Variants in EP300 observed in about 807,000 individuals in gnomAD.
EP300 encodes EP300 lysine acetyltransferase.
Under a neutral mutation model 264.0 loss-of-function variants are expected in EP300, and 31 were observed. That is an observed-to-expected ratio of 0.12 (90% CI 0.09 to 0.16). The LOEUF is 0.16. EP300 is among the 10% of genes least tolerant of loss of function. EP300 has a pLI of 1.00. For missense variants in EP300, 2,766 were observed against 3,052.9 expected (o/e 0.91, Z 2.21); for synonymous variants, 1,340 against 1,045.4 (o/e 1.28, Z -5.44).
intron 1 of EP300, among the ~76,000 whole-genome samples, chr22:41,114,659 A>C (rs1288507510): frequency 6.6e-6 from 1 of 152,202 alleles, no homozygotes; most frequent in Admixed American, 6.6e-5. Context: ...GCCAGTAGGC[A>C]AGGAGCTGGT....
rs1569091287 is a variant in EP300 at position 41,119,169 on chromosome 22, A to AT, written c.729+1350dup. On this transcript the variant is annotated intron_variant, in intron 2 of 30. Coordinates refer to ENST00000263253, the MANE Select transcript of EP300 (RefSeq NM_001429.4). ...AGGCACATACCACCATGCCTGGCTT[A>AT]TTATTATTTTTTTTTTTTTTTTTTT... Among the ~76,000 whole-genome samples, 71 of 73,102 alleles carry AT rather than the reference A, an allele frequency of 9.7e-4. 2 individuals are homozygous for AT. Among genetic ancestry groups the AT allele is most frequent in the Non-Finnish European group, 1.3e-3 (49 of 38,296 alleles). 48.0% of individuals were successfully genotyped at this position (73,102 alleles called of 152,430 possible).
In EP300 at chr22:41,160,449, C is replaced by A. The variant is rs376131454; in HGVS notation, c.3591-193C>A. The A allele has an allele frequency of 2.2e-3, 868 of 396,056 alleles. 2 individuals are homozygous for A. The highest frequency in any genetic ancestry group is 4.6e-3 in the African/African-American group (201 of 43,802). The allele number at this position is 396,056 out of a possible 1,614,324, so 24.5% of individuals were successfully genotyped here. A position where few individuals can be genotyped will look rare whatever the true frequency, so the allele number is the denominator to read the frequency against. Reference sequence around the variant, plus strand: ...AAAAAAACAAAAAAAAACAAAAAAACAAACAAAAAAACCAAAACCCAAACT... The same window carrying A: ...AAAAAAACAAAAAAAAACAAAAAAAAAAACAAAAAAACCAAAACCCAAACT... On this transcript the variant is annotated intron_variant, in intron 19 of 30. Coordinates refer to ENST00000263253, the MANE Select transcript of EP300 (RefSeq NM_001429.4).
At chr22:41,176,686 G>A in intron 30 of EP300, 87 bp from the exon 31 acceptor site, 13 of 1,612,700 alleles carry the variant, frequency 8.1e-6, no homozygotes. Flanking sequence ...CTACGAAAGG[G>A]GCTTTTCTAG....
chr22:41,139,982 TTTTGTTTA>T (rs2058972466), intron 8 of EP300, among the ~76,000 whole-genome samples, 150 bp from the exon 9 acceptor site: 1 of 152,238 alleles, frequency 6.6e-6, no homozygotes, highest in African/African-American at 2.4e-5. Flanking sequence ...ACAAAAATTC[TTTTGTTTA>T]TCACAAAAAG....
chr22:41,170,839 A>AT (rs1426274838), intron 27 of EP300, among the ~76,000 whole-genome samples: 1 of 150,264 alleles, frequency 6.7e-6, no homozygotes, highest in African/African-American at 2.4e-5. Flanking sequence ...ATTTTTTTGT[A>AT]TTTTTAGTAG....
intron 1 of EP300, among the ~76,000 whole-genome samples, chr22:41,096,517 CAG>C (rs777459831): frequency 2.0e-5 from 3 of 151,114 alleles, no homozygotes; most frequent in African/African-American, 4.9e-5. Context: ...TTCAAAGACA[CAG>C]GGCAGATAGT....
intron 1 of EP300, among the ~76,000 whole-genome samples, chr22:41,111,821 G>A (rs1034214855): frequency 2.0e-5 from 3 of 149,078 alleles, no homozygotes; most frequent in Non-Finnish European, 4.5e-5. Context: ...TTACAGGTGA[G>A]AACCACCATG....
intron 1 of EP300, among the ~76,000 whole-genome samples, chr22:41,096,895 A>C (rs1306711231): frequency 1.3e-5 from 2 of 152,206 alleles, no homozygotes; most frequent in Non-Finnish European, 2.9e-5. Flanking sequence ...CTGGGAATAC[A>C]GGCGTGAGCC....
intron 10 of EP300, among the ~76,000 whole-genome samples, chr22:41,142,360 T>C (rs1275929530): frequency 6.6e-6 from 1 of 152,166 alleles, no homozygotes; most frequent in African/African-American, 2.4e-5. Context: ...ACCACTGGCC[T>C]TTAGCAGCCT....
In EP300 at chr22:41,129,879, C is replaced by G. The variant is rs1288243601; in HGVS notation, c.1169-11C>G. 3.1e-6 allele frequency: 5 copies of G among 1,607,012 alleles called. No individual in the cohort carries two copies. Among genetic ancestry groups the G allele is most frequent in the Non-Finnish European group, 4.3e-6 (5 of 1,173,870 alleles). On this transcript the variant is annotated splice_polypyrimidine_tract_variant and intron_variant, in intron 4 of 30. Coordinates refer to ENST00000263253, the MANE Select transcript of EP300 (RefSeq NM_001429.4). ...ACCTGCTCTTGAAAAAATATGTTTT[C>G]TTCTCTTTAGTGGCACACTGTGCAT...
rs767438649 is a variant in EP300 at position 41,092,612 on chromosome 22, C to T, written c.-393C>T. The T allele has an allele frequency of 8.0e-6, 5 of 625,842 alleles. No homozygotes were observed. The Admixed American group carries it at 1.3e-4, about 17-fold the overall frequency. 38.8% of individuals were successfully genotyped at this position (625,842 alleles called of 1,614,324 possible). A position where few individuals can be genotyped will look rare whatever the true frequency, so the allele number is the denominator to read the frequency against. On this transcript the variant is annotated 5_prime_UTR_variant, in exon 1 of 31. Transcript: ENST00000263253. ...GCGATGAGAAGGAGGAGGACAGCGC[C>T]GAGGAGGAAGAGGTTGATGGCGGCG... is the stretch of plus-strand genomic sequence containing the variant.
At chr22:41,159,255 ATTTG>A (rs763820454) in intron 19 of EP300, 5 of 152,154 alleles carry the variant, frequency 3.3e-5, no homozygotes, top group Non-Finnish European at 5.9e-5. Flanking sequence ...AATACCCTTT[ATTTG>A]TTTGTTAATA....
intron 18 of EP300, 100 bp downstream of exon 18, chr22:41,157,508 A>C: frequency 3.5e-5 from 29 of 831,118 alleles, no homozygotes; most frequent in Non-Finnish European, 4.5e-5. Context: ...TGGCTTTGAC[A>C]TGGCTTTTTT....
chr22:41,152,083 T>C lies in EP300; in HGVS notation c.2997+71T>C, dbSNP rs1168184212. ...TAGGAACCCAAGTTTTAAAAAATAT[T>C]GCAGAAAAATATTTTGATAATTAGA... On this transcript the variant is annotated intron_variant, in intron 15 of 30. Coordinates refer to ENST00000263253, the MANE Select transcript of EP300 (RefSeq NM_001429.4). 13 of 1,599,688 alleles carry C rather than the reference T, an allele frequency of 8.1e-6. No individual in the cohort carries two copies. The Admixed American group carries it at 8.4e-5, about 10-fold the overall frequency.
intron 3 of EP300, 113 bp from the exon 4 acceptor site, chr22:41,127,374 T>A (rs1283499042): frequency 1.2e-5 from 17 of 1,414,114 alleles, no homozygotes; most frequent in Non-Finnish European, 1.7e-5. Flanking sequence ...AAATGGAGTC[T>A]GGCTTATAGT....
chr22:41,127,822 C>G, intron 4 of EP300, 74 bp downstream of exon 4: 1 of 1,584,508 alleles, frequency 6.3e-7, no homozygotes, highest in Non-Finnish European at 8.6e-7. Flanking sequence ...GTGATCAAGT[C>G]TATTTTGTGG....
chr22:41,145,425 C>T (rs2059005108), intron 10 of EP300, among the ~76,000 whole-genome samples: 1 of 152,166 alleles, frequency 6.6e-6, no homozygotes, highest in Non-Finnish European at 1.5e-5. Flanking sequence ...AGAAGAGCAG[C>T]AGGTCTTCCT....
intron 29 of EP300, chr22:41,176,025 G>GC (rs2059198373): frequency 1.7e-6 from 1 of 574,960 alleles, no homozygotes; most frequent in South Asian, 2.0e-5. Flanking sequence ...TTTGAGACCA[G>GC]CCTGGGCAAC....
chr22:41,094,561 G>A (rs1360222998), intron 1 of EP300, among the ~76,000 whole-genome samples: 1 of 152,194 alleles, frequency 6.6e-6, no homozygotes, highest in African/African-American at 2.4e-5. Context: ...GTAGTCTCCA[G>A]GGATTTTTTT....
Sources: gnomAD v4.1 joint callset for allele counts (sites outside exome capture counted in the v4.1 genomes callset) on GRCh38, gnomAD v4.1.1 for gene constraint, MANE v1.5 for transcripts, NCBI Gene and HGNC (gene_info 2026-07-23, HGNC 2026-07-21) for gene names.